The following MLXIPL variants were observed in gnomAD, a reference collection of about 807,000 sequenced individuals.
The protein encoded by MLXIPL is MLX interacting protein like, also known as carbohydrate-responsive element-binding protein.
A neutral mutation model predicts 81.5 loss-of-function variants in MLXIPL; 49 were observed. The ratio of observed to expected loss-of-function variants is 0.60; its 90% CI spans 0.48 to 0.76. MLXIPL has a LOEUF of 0.76. Among genes scored for constraint, MLXIPL ranks in the 30% least tolerant of loss-of-function variants. MLXIPL has a pLI of 0.00. For synonymous variants in MLXIPL, 466 were observed against 485.5 expected, an observed-to-expected ratio of 0.96 and a Z score of 0.53; for missense variants, 1,053 against 1,167.0, an observed-to-expected ratio of 0.90 and a Z score of 1.42.
the MLXIPL span, among the ~76,000 whole-genome samples, chr7:73,646,576 T>G: frequency 6.6e-6 from 1 of 152,074 alleles, no homozygotes; most frequent in Non-Finnish European, 1.5e-5. Context: ...GCAGACTGTG[T>G]CCTTAGGGGG....
upstream of MLXIPL, among the ~76,000 whole-genome samples, chr7:73,628,599 G>A (rs1563523186): frequency 6.6e-6 from 1 of 152,098 alleles, no homozygotes; most frequent in East Asian, 1.9e-4. Context: ...GGGCCAAAGT[G>A]ATCCTCCCAC....
At chr7:73,603,972 T>A (rs1398261978) in intron 7 of MLXIPL, among the ~76,000 whole-genome samples, 1 of 152,062 alleles carries the variant, frequency 6.6e-6, no homozygotes, top group African/African-American at 2.4e-5. Flanking sequence ...TCCCAGCACT[T>A]TGGGAGTCCG....
intron 7 of MLXIPL, among the ~76,000 whole-genome samples, chr7:73,605,136 C>T (rs1795177066): frequency 6.6e-6 from 1 of 152,210 alleles, no homozygotes; most frequent in African/African-American, 2.4e-5. Flanking sequence ...CTTCTCTCCC[C>T]TGAGAGAGTC....
At chr7:73,617,650 G>A (rs991805057) in intron 1 of MLXIPL, among the ~76,000 whole-genome samples, 4 of 152,066 alleles carry the variant, frequency 2.6e-5, no homozygotes, top group Non-Finnish European at 5.9e-5. Context: ...TTTGAGACCA[G>A]CCTGGGCAAC....
intron 9 of MLXIPL, 90 bp from the exon 10 acceptor site, chr7:73,597,022 C>T: frequency 2.6e-6 from 4 of 1,509,500 alleles, no homozygotes; most frequent in Non-Finnish European, 3.6e-6. Context: ...AGAGTCCACA[C>T]CCCTTTTAGG....
Position 73,596,098 on chromosome 7 carries a change from G to T in MLXIPL, c.2058+55C>A, listed in dbSNP as rs1368702812. 1.1e-4 allele frequency: 172 copies of T among 1,601,634 alleles called. No individual in the cohort carries two copies. Among genetic ancestry groups the T allele is most frequent in the Non-Finnish European group, 1.4e-4 (161 of 1,176,550 alleles). On this transcript the variant is annotated intron_variant, in intron 13 of 16. Transcript: ENST00000313375. The surrounding 1 kb of genome is among the most constrained non-coding windows in gnomAD (Gnocchi z 4.7). ...CTGCAATTGAGTTTTGGGTGGGGGG[G>T]GTCCAGAAAGGGGCCCTGTGGTTTT... is the stretch of plus-strand genomic sequence containing the variant.
rs1371398281 is a variant in MLXIPL at position 73,623,040 on chromosome 7, G to A, written c.293+1160C>T. 1.3e-5 allele frequency among the ~76,000 whole-genome samples: 2 copies of A among 152,110 alleles called. No homozygotes were observed. The highest frequency in any genetic ancestry group is 1.5e-5 in the Non-Finnish European group (1 of 68,016). ...GAATTTGAACTTTCCACACGGGTCCGACGCCCTGGCCGATCGGGTTGCAAC... is the reference window on the plus strand; with the variant it reads ...GAATTTGAACTTTCCACACGGGTCCAACGCCCTGGCCGATCGGGTTGCAAC... On this transcript the variant is annotated intron_variant, in intron 1 of 16. Transcript: ENST00000313375. The surrounding 1 kb of genome is among the most constrained non-coding windows in gnomAD (Gnocchi z 5.7).
chr7:73,630,740 C>T, the MLXIPL span, among the ~76,000 whole-genome samples: 2 of 152,188 alleles, frequency 1.3e-5, no homozygotes, highest in Admixed American at 1.3e-4. Context: ...AAAGGGCTGG[C>T]CATTGTGCAG....
In MLXIPL at chr7:73,595,681, C is replaced by T; in HGVS notation, c.2266G>A (p.Asp756Asn). ...RFDQMRDMFD[D>N]YVRTRTLHNW... ...TGCAGCGTACGGGTTCGGACGTAGT[C>T]ATCAAACATGTCTCGCATCTGGTCA... is the stretch of plus-strand genomic sequence containing the variant. Residue 756 changes from aspartate (D) to asparagine (N), a missense_variant, in exon 15 of 17, where the codon GAC becomes AAC. Physicochemically the swap from Asp to Asn is conservative, Grantham distance 23. Coordinates refer to ENST00000313375, the MANE Select transcript of MLXIPL (RefSeq NM_032951.3). The T allele has an allele frequency of 6.2e-7, 1 of 1,614,180 alleles. No individual in the cohort carries two copies. The highest frequency in any genetic ancestry group is 8.5e-7 in the Non-Finnish European group (1 of 1,180,006).
At chr7:73,594,461 G>T in intron 15 of MLXIPL, 58 bp from the exon 16 acceptor site, 12 of 1,596,628 alleles carry the variant, frequency 7.5e-6, no homozygotes, top group African/African-American at 1.3e-5. Flanking sequence ...ACCACGTGGA[G>T]CCCTGATGCC....
At chr7:73,599,790 G>T in intron 7 of MLXIPL, 95 bp from the exon 8 acceptor site, 1 of 1,263,560 alleles carries the variant, frequency 7.9e-7, no homozygotes, top group Non-Finnish European at 1.1e-6. Flanking sequence ...GCCTTGGCGG[G>T]TGGGGACATG....
intron 7 of MLXIPL, among the ~76,000 whole-genome samples, chr7:73,602,205 C>G (rs1794925525): frequency 8.2e-6 from 1 of 121,900 alleles, no homozygotes; most frequent in Admixed American, 8.4e-5. Context: ...CTCTCTCTCT[C>G]TTTCTCTCTT....
At chr7:73,631,004 G>T in the MLXIPL span, among the ~76,000 whole-genome samples, 3 of 149,506 alleles carry the variant, frequency 2.0e-5, no homozygotes, top group African/African-American at 7.5e-5. Flanking sequence ...AGTCACACTA[G>T]GGAATACTTT....
the MLXIPL span, among the ~76,000 whole-genome samples, chr7:73,631,962 T>C: frequency 6.7e-6 from 1 of 149,402 alleles, no homozygotes; most frequent in African/African-American, 2.5e-5. Flanking sequence ...TCTTTTCTTT[T>C]CTTTTTTCTT....
chr7:73,606,055 C>G lies in MLXIPL; in HGVS notation c.675G>C (p.Val225=). 1 of 1,591,894 alleles carries G rather than the reference C, an allele frequency of 6.3e-7. No homozygotes were observed. The highest frequency in any genetic ancestry group is 8.6e-7 in the Non-Finnish European group (1 of 1,169,222). ...CTGGGTCCCCCAGCAGCACGGGGACCACACTGGAGAAGAGCTGTTTGCACC... is the reference window on the plus strand; with the variant it reads ...CTGGGTCCCCCAGCAGCACGGGGACGACACTGGAGAAGAGCTGTTTGCACC... ...EQWCKQLFSS[V]VPVLLGDPEE... is the part of the protein sequence containing the mutation. The change falls in exon 6 of 17, where the codon GTG becomes GTC. Residue 225 remains valine, a synonymous_variant. Coordinates refer to ENST00000313375, the MANE Select transcript of MLXIPL (RefSeq NM_032951.3).
At chr7:73,594,552 TC>T (rs1260139117) in intron 15 of MLXIPL, 149 bp from the exon 16 acceptor site, 38 of 945,020 alleles carry the variant, frequency 4.0e-5, no homozygotes, top group Non-Finnish European at 5.3e-5. Flanking sequence ...CCCTACTTCT[TC>T]TTTTTTTTTT....
At position 73,623,157 on chromosome 7, in the gene MLXIPL, G is replaced by T. The variant is rs537705405; in HGVS notation, c.293+1043C>A. Among the ~76,000 whole-genome samples the T allele has an allele frequency of 3.0e-3, 452 of 152,298 alleles. 1 individual carries two copies. The highest frequency in any genetic ancestry group is 1.0e-2 in the African/African-American group (414 of 41,566). Reference sequence around the variant, plus strand: ...GCTGGGCGGCTGCGGTTGGGGGCAGGCAACACTCCCCTCACAGTCCCCACC... The same window carrying T: ...GCTGGGCGGCTGCGGTTGGGGGCAGTCAACACTCCCCTCACAGTCCCCACC... On this transcript the variant is annotated intron_variant, in intron 1 of 16. Transcript: ENST00000313375. The surrounding 1 kb of genome is among the most constrained non-coding windows in gnomAD (Gnocchi z 5.7).
At position 73,623,758 on chromosome 7, in the gene MLXIPL, C is replaced by A. The variant is rs1460488964; in HGVS notation, c.293+442G>T. On this transcript the variant is annotated intron_variant, in intron 1 of 16. Coordinates refer to ENST00000313375, the MANE Select transcript of MLXIPL (RefSeq NM_032951.3). The surrounding 1 kb of genome is among the most constrained non-coding windows in gnomAD (Gnocchi z 5.7). ...GTCCAGGAATAGGGCGGGCTTGGGC[C>A]GGGGCTGCTGGGGAGAAGGCCGAGG... Among the ~76,000 whole-genome samples, 1 of 151,390 alleles carries A rather than the reference C, an allele frequency of 6.6e-6. No individual in the cohort carries two copies. Among genetic ancestry groups the A allele is most frequent in the Non-Finnish European group, 1.5e-5 (1 of 67,880 alleles).
At chr7:73,627,043 G>A (rs539479065), upstream of MLXIPL, among the ~76,000 whole-genome samples, 198 of 152,242 alleles carry the variant, frequency 1.3e-3, 1 homozygote, top group African/African-American at 4.5e-3. Context: ...TCCCTTGGCC[G>A]GGTATCTTCT....
Sources: allele counts gnomAD v4.1 joint callset (sites outside exome capture counted in the v4.1 genomes callset), GRCh38; gene constraint gnomAD v4.1.1; non-coding constraint Gnocchi (gnomAD v3.1); transcripts MANE v1.5; gene names NCBI Gene and HGNC (gene_info 2026-07-23, HGNC 2026-07-21).